NRIP1: variants seen among roughly 807,000 people sequenced by gnomAD.
The protein encoded by NRIP1 is nuclear receptor-interacting protein 1.
Under a neutral mutation model 75.0 loss-of-function variants are expected in NRIP1, and 28 were observed. The observed-to-expected ratio is 0.37, with a 90% CI of 0.28 to 0.51. The LOEUF is 0.51. Among genes scored for constraint, NRIP1 ranks in the 20% least tolerant of loss-of-function variants. NRIP1 has a pLI of 0.92. For synonymous variants in NRIP1, 526 were observed against 487.6 expected (o/e 1.08, Z -1.04); for missense variants, 1,435 against 1,343.7 (o/e 1.07, Z -1.06).
chr21:15,012,141 T>C (rs2088117840), intron 3 of NRIP1, among the ~76,000 whole-genome samples: 1 of 152,182 alleles, frequency 6.6e-6, no homozygotes, highest in South Asian at 2.1e-4. Flanking sequence ...ACTTGTCAAA[T>C]ACTCATCTCC....
At chr21:15,054,531 T>C (rs967551754) in intron 1 of NRIP1, among the ~76,000 whole-genome samples, 4 of 152,194 alleles carry the variant, frequency 2.6e-5, no homozygotes, top group African/African-American at 9.7e-5. Flanking sequence ...TCATAATTAG[T>C]ATGCCTGGAA....
chr21:15,006,997 T>C (rs1600861867), intron 3 of NRIP1, among the ~76,000 whole-genome samples: 1 of 152,098 alleles, frequency 6.6e-6, no homozygotes, highest in South Asian at 2.1e-4. Context: ...CAGAAGAGAA[T>C]GGCAGCCATT....
intron 2 of NRIP1, among the ~76,000 whole-genome samples, chr21:15,034,158 A>C (rs2088777419): frequency 6.6e-6 from 1 of 152,244 alleles, no homozygotes; most frequent in African/African-American, 2.4e-5. Context: ...TTTTTGCAGG[A>C]AAATCTCTAG....
At chr21:14,971,318 C>G (rs1292751848) in intron 3 of NRIP1, among the ~76,000 whole-genome samples, 1 of 152,186 alleles carries the variant, frequency 6.6e-6, no homozygotes, top group African/African-American at 2.4e-5. Context: ...CATTCTCTCA[C>G]TCTCAAAAAA....
chr21:14,981,579 G>A (rs2087235826), intron 3 of NRIP1, among the ~76,000 whole-genome samples: 1 of 152,066 alleles, frequency 6.6e-6, no homozygotes, highest in Admixed American at 6.6e-5. Context: ...AGCGGTCTAG[G>A]GAATGTGGGT....
intron 2 of NRIP1, among the ~76,000 whole-genome samples, chr21:15,021,629 T>A (rs988153272): frequency 6.6e-6 from 1 of 152,164 alleles, no homozygotes; most frequent in Non-Finnish European, 1.5e-5. Flanking sequence ...AATCATAAAT[T>A]TATTTAAAAT....
At chr21:14,993,141 A>G (rs2087618898) in intron 3 of NRIP1, among the ~76,000 whole-genome samples, 1 of 152,056 alleles carries the variant, frequency 6.6e-6, no homozygotes, top group South Asian at 2.1e-4. Context: ...TGTATTTTGC[A>G]TGGCTATGTA....
Position 14,965,299 on chromosome 21 carries a change from T to G in NRIP1, c.2894A>C (p.His965Pro). The G allele has an allele frequency of 1.9e-6, 3 of 1,614,024 alleles. No individual in the cohort carries two copies. The highest frequency in any genetic ancestry group is 2.5e-6 in the Non-Finnish European group (3 of 1,179,932). ...NSVADSKKKG[H>P]KNNVTNSKPE... ...TTTGCTGTTGGTCACATTATTTTTG[T>G]GTCCTTTCTTTTTACTGTCAGCCAC... The change falls in exon 4 of 4, where the codon CAC becomes CCC. Residue 965 changes from histidine to proline, a missense_variant. Coordinates refer to ENST00000318948, the MANE Select transcript of NRIP1 (RefSeq NM_003489.4).
chr21:14,971,036 T>C (rs938596513), intron 3 of NRIP1, among the ~76,000 whole-genome samples: 4 of 152,232 alleles, frequency 2.6e-5, no homozygotes, highest in Non-Finnish European at 4.4e-5. Flanking sequence ...ATGACAGATA[T>C]TAAGAATAAT....
At chr21:15,051,168 G>A (rs2089194058) in intron 1 of NRIP1, 1 of 318,290 alleles carries the variant, frequency 3.1e-6, no homozygotes, top group South Asian at 2.6e-5. Context: ...ATGGCATGCT[G>A]TGCCTCCGAG....
At chr21:15,014,253 T>G (rs990448599) in intron 3 of NRIP1, 91 bp downstream of exon 3, 2 of 391,060 alleles carry the variant, frequency 5.1e-6, no homozygotes, top group Non-Finnish European at 9.0e-6. Context: ...TTTTGAATTA[T>G]AAGCTAATTT....
At chr21:15,054,672 T>C (rs2089270334) in intron 1 of NRIP1, among the ~76,000 whole-genome samples, 1 of 152,182 alleles carries the variant, frequency 6.6e-6, no homozygotes. Context: ...CTGCTATGCA[T>C]AAATACATAA....
chr21:14,978,597 T>G (rs971572446), intron 3 of NRIP1, among the ~76,000 whole-genome samples: 1 of 152,148 alleles, frequency 6.6e-6, no homozygotes, highest in African/African-American at 2.4e-5. Flanking sequence ...AGATCTTTGA[T>G]GACACAAATA....
intron 3 of NRIP1, among the ~76,000 whole-genome samples, chr21:14,998,182 G>C (rs753794114): frequency 1.1e-4 from 16 of 152,074 alleles, no homozygotes; most frequent in African/African-American, 3.6e-4. Context: ...GTGGTTGAAG[G>C]CCTGACCCAC....
chr21:14,986,503 T>G (rs1398352181), intron 3 of NRIP1, among the ~76,000 whole-genome samples: 2 of 152,214 alleles, frequency 1.3e-5, no homozygotes, highest in African/African-American at 2.4e-5. Context: ...CACTCTCGCC[T>G]TATGGCATAA....
intron 3 of NRIP1, among the ~76,000 whole-genome samples, chr21:14,990,412 CA>C (rs1246677571): frequency 2.0e-5 from 3 of 152,060 alleles, no homozygotes; most frequent in African/African-American, 7.2e-5. Flanking sequence ...TACTAATGCC[CA>C]AGTTTGGGTC....
chr21:15,052,329 T>C (rs144540148), intron 1 of NRIP1: 24 of 152,314 alleles, frequency 1.6e-4, no homozygotes, highest in African/African-American at 5.5e-4. Flanking sequence ...CCCCGAAGTA[T>C]TATCCTTCGC....
At chr21:14,979,851 T>C (rs751990851) in intron 3 of NRIP1, among the ~76,000 whole-genome samples, 6 of 151,672 alleles carry the variant, frequency 4.0e-5, no homozygotes, top group Non-Finnish European at 8.8e-5. Flanking sequence ...TGCCTGTATA[T>C]ATATATGCTT....
chr21:15,012,289 T>C (rs2088121661), intron 3 of NRIP1, among the ~76,000 whole-genome samples: 2 of 152,070 alleles, frequency 1.3e-5, no homozygotes, highest in African/African-American at 2.4e-5. Flanking sequence ...GGAAAACATA[T>C]TTAACACAAC....
Sources: allele counts gnomAD v4.1 joint callset (sites outside exome capture counted in the v4.1 genomes callset), GRCh38; gene constraint gnomAD v4.1.1; transcripts MANE v1.5; gene names NCBI Gene and HGNC (gene_info 2026-07-23, HGNC 2026-07-21).